IMMP2L: variants seen among roughly 807,000 people sequenced by gnomAD.
The protein encoded by IMMP2L is mitochondrial inner membrane protease subunit 2.
In IMMP2L, 18 loss-of-function variants were observed where a neutral mutation model predicts 19.3. The ratio of observed to expected loss-of-function variants is 0.93; its 90% CI spans 0.64 to 1.38. IMMP2L has a LOEUF of 1.38. Ranked by LOEUF, IMMP2L falls within the 40% of genes most tolerant of loss-of-function variation. The pLI, the probability that IMMP2L is intolerant of heterozygous loss-of-function variation, is 0.00. For missense variants in IMMP2L, 233 were observed against 218.2 expected, an observed-to-expected ratio of 1.07 and a Z score of -0.43; for synonymous variants, 76 against 73.0, an observed-to-expected ratio of 1.04 and a Z score of -0.21.
chr7:110,784,129 A>G (rs1036056205), intron 5 of IMMP2L, among the ~76,000 whole-genome samples: 2 of 151,940 alleles, frequency 1.3e-5, no homozygotes, highest in South Asian at 2.1e-4. Context: ...CAAGAATACA[A>G]TAAGTAATAT....
chr7:111,135,865 C>T (rs1299731866), intron 3 of IMMP2L, among the ~76,000 whole-genome samples: 2 of 152,020 alleles, frequency 1.3e-5, no homozygotes, highest in Non-Finnish European at 2.9e-5. Flanking sequence ...ACTAGAGCTG[C>T]CCACACTTTC....
At chr7:110,855,337 G>T (rs975249499) in intron 5 of IMMP2L, among the ~76,000 whole-genome samples, 2 of 151,944 alleles carry the variant, frequency 1.3e-5, no homozygotes, top group Non-Finnish European at 2.9e-5. Flanking sequence ...AGGATGAAGA[G>T]ATCTAATGCC....
intron 3 of IMMP2L, among the ~76,000 whole-genome samples, chr7:111,074,521 A>T (rs2129575707): frequency 6.6e-6 from 1 of 152,258 alleles, no homozygotes; most frequent in East Asian, 1.9e-4. Context: ...TTTTGGACAT[A>T]TTTCTGCCTA....
rs942901279 is a variant in IMMP2L, at chr7:111,381,971, A to C, written c.239+105267T>G. ...TTATCATCAAATGTATCAAGTATGA[A>C]GTGTGTGTAGGTTATTTAAGTGGAA... is the stretch of plus-strand genomic sequence containing the variant. On this transcript the variant is annotated intron_variant, in intron 3 of 5. Transcript: ENST00000405709. 2.6e-4 allele frequency among the ~76,000 whole-genome samples: 40 copies of C among 151,988 alleles called. 3 individuals are homozygous for C. Among genetic ancestry groups the C allele is most frequent in the African/African-American group, 9.7e-4 (40 of 41,346 alleles).
chr7:111,094,356 ATAG>A (rs1797183909), intron 3 of IMMP2L, among the ~76,000 whole-genome samples: 1 of 152,136 alleles, frequency 6.6e-6, no homozygotes, highest in South Asian at 2.1e-4. Flanking sequence ...AAGAAAGCTA[ATAG>A]TAGACTAAAA....
intron 3 of IMMP2L, among the ~76,000 whole-genome samples, chr7:111,147,475 T>A (rs1306232167): frequency 6.6e-6 from 1 of 152,134 alleles, no homozygotes; most frequent in African/African-American, 2.4e-5. Flanking sequence ...TCAACATGCA[T>A]GGAAAAATAT....
At chr7:111,122,714 A>G in intron 3 of IMMP2L, 1 of 1,338,206 alleles carries the variant, frequency 7.5e-7, no homozygotes, top group South Asian at 1.3e-5. Context: ...TATTGAACTT[A>G]CTAGCACTGA....
rs1489253208 is a variant in IMMP2L at position 111,123,819 on chromosome 7, G to A, written c.240-160254C>T. On this transcript the variant is annotated intron_variant, in intron 3 of 5. Coordinates refer to ENST00000405709, the MANE Select transcript of IMMP2L (RefSeq NM_032549.4). This position sits in a 1 kb window ranked among gnomAD's most constrained non-coding sequence, Gnocchi z 6.4. ...TGAACAGCAATGCTCTCAGTGCCCT[G>A]TACCATGGTACCATTGAGTCTCTGC... is the stretch of plus-strand genomic sequence containing the variant. 3 of 1,613,828 alleles carry A rather than the reference G, an allele frequency of 1.9e-6. No individual in the cohort carries two copies. Among genetic ancestry groups the A allele is most frequent in the Non-Finnish European group, 2.5e-6 (3 of 1,179,966 alleles).
At chr7:110,977,594 C>T (rs1820831636) in intron 3 of IMMP2L, among the ~76,000 whole-genome samples, 1 of 151,956 alleles carries the variant, frequency 6.6e-6, no homozygotes, top group South Asian at 2.1e-4. Context: ...TGGTTTATTA[C>T]ACCCAGTTAG....
intron 5 of IMMP2L, 124 bp downstream of exon 5, chr7:110,886,468 TA>T: frequency 1.6e-6 from 1 of 620,682 alleles, no homozygotes; most frequent in Non-Finnish European, 2.9e-6. Context: ...TTTTCAAACA[TA>T]AACTATTCCA....
chr7:111,398,335 A>G (rs1833074527), intron 3 of IMMP2L, among the ~76,000 whole-genome samples: 1 of 152,186 alleles, frequency 6.6e-6, no homozygotes, highest in South Asian at 2.1e-4. Context: ...ACACAAGTCA[A>G]TAACTGTGAT....
intron 5 of IMMP2L, among the ~76,000 whole-genome samples, chr7:110,674,906 TCC>T (rs1322433174): frequency 6.6e-6 from 1 of 152,130 alleles, no homozygotes; most frequent in East Asian, 1.9e-4. Context: ...CTTCCTTAGA[TCC>T]CTGGATCTCT....
At chr7:111,219,324 C>A (rs999287433) in intron 3 of IMMP2L, among the ~76,000 whole-genome samples, 4 of 151,904 alleles carry the variant, frequency 2.6e-5, no homozygotes, top group Non-Finnish European at 5.9e-5. Flanking sequence ...CTAAGACCAC[C>A]TGTGATGATC....
intron 3 of IMMP2L, among the ~76,000 whole-genome samples, chr7:111,255,015 T>A (rs571438206): frequency 6.6e-6 from 1 of 152,122 alleles, no homozygotes; most frequent in Non-Finnish European, 1.5e-5. Context: ...ATAACTACTT[T>A]AAATTTTTAA....
At chr7:111,531,527 A>G (rs949032831) in intron 1 of IMMP2L, among the ~76,000 whole-genome samples, 1 of 152,162 alleles carries the variant, frequency 6.6e-6, no homozygotes, top group Non-Finnish European at 1.5e-5. Context: ...CAAAAAGTTT[A>G]CCATAAAAAT....
intron 3 of IMMP2L, among the ~76,000 whole-genome samples, chr7:111,156,510 T>C (rs1194668122): frequency 5.3e-5 from 8 of 152,164 alleles, no homozygotes; most frequent in Admixed American, 5.2e-4. Flanking sequence ...CACAAAATCC[T>C]GTTGAATATT....
rs754600934 is a variant in IMMP2L at position 111,035,578 on chromosome 7, T to C, written c.240-72013A>G. Among the ~76,000 whole-genome samples the C allele has an allele frequency of 4.8e-4, 73 of 152,136 alleles. 2 individuals are homozygous for C. Among genetic ancestry groups the C allele is most frequent in the Non-Finnish European group, 3.4e-4 (23 of 68,012 alleles). Reference sequence around the variant, plus strand: ...TGCAGCCATAATTTTTGCAACATTGTATACATGCTGACATATACCAACGCT... The same window carrying C: ...TGCAGCCATAATTTTTGCAACATTGCATACATGCTGACATATACCAACGCT... On this transcript the variant is annotated intron_variant, in intron 3 of 5. Transcript: ENST00000405709.
chr7:111,075,054 A>T (rs184102551), intron 3 of IMMP2L, among the ~76,000 whole-genome samples: 1 of 151,688 alleles, frequency 6.6e-6, no homozygotes, highest in East Asian at 1.9e-4. Context: ...GGGTTCAAGA[A>T]CTGTGATTGT....
chr7:111,113,298 C>T (rs1397507220), intron 3 of IMMP2L, among the ~76,000 whole-genome samples: 5 of 152,134 alleles, frequency 3.3e-5, no homozygotes, highest in African/African-American at 1.2e-4. Flanking sequence ...CTTTTTGCTG[C>T]CATCCTTTTA....
Sources: gnomAD v4.1 joint callset for allele counts (sites outside exome capture counted in the v4.1 genomes callset) on GRCh38, gnomAD v4.1.1 for gene constraint, Gnocchi (gnomAD v3.1) non-coding constraint, MANE v1.5 for transcripts, NCBI Gene and HGNC (gene_info 2026-07-23, HGNC 2026-07-21) for gene names.